GSE1: variants seen among roughly 807,000 people sequenced by gnomAD.
GSE1 encodes the protein genetic suppressor element 1.
Under a neutral mutation model 112.6 loss-of-function variants are expected in GSE1, and 32 were observed. The observed-to-expected ratio is 0.28, with a 90% CI of 0.21 to 0.38. The LOEUF (loss-of-function observed/expected upper bound fraction) is 0.38, where lower values mean the gene tolerates loss of function less well. Among genes scored for constraint, GSE1 ranks in the 10% least tolerant of loss-of-function variants. GSE1 has a pLI of 1.00. For synonymous variants in GSE1, 1,115 were observed against 735.6 expected (o/e 1.52, Z -8.35); for missense variants, 2,348 against 1,699.2 (o/e 1.38, Z -6.71).
In GSE1 at chr16:85,478,927, C is replaced by CTTTCTTTCTTT. The variant is rs1285190496; in HGVS notation, c.2464+121285_2464+121286insTTCTTTCTTTT. On this transcript the variant is annotated intron_variant, in intron 2 of 2. Transcript: ENST00000637419. Reference sequence around the variant, plus strand: ...TCTTTCTTTCTTTCTTTCTTTCTTTCTCTTTCTTTCTTTCTTTCTTTTTTT... The same window carrying CTTTCTTTCTTT: ...TCTTTCTTTCTTTCTTTCTTTCTTTCTTTCTTTCTTTTCTTTCTTTCTTTCTTTCTTTTTTT... 1.1e-4 allele frequency among the ~76,000 whole-genome samples: 3 copies of CTTTCTTTCTTT among 28,046 alleles called. 1 individual carries two copies. In the Admixed American group the frequency reaches 1.2e-3, roughly 12 times the overall value. The allele number at this position is 28,046 out of a possible 152,430, so 18.4% of individuals were successfully genotyped here.
intron 2 of GSE1, among the ~76,000 whole-genome samples, chr16:85,465,506 C>A (rs1048252967): frequency 6.6e-6 from 1 of 152,360 alleles, no homozygotes; most frequent in South Asian, 2.1e-4. Flanking sequence ...GTAAGTGCAT[C>A]AGTCCAGTTA....
intron 1 of GSE1, among the ~76,000 whole-genome samples, chr16:85,271,765 G>A (rs1908860110): frequency 6.6e-6 from 1 of 152,182 alleles, no homozygotes; most frequent in African/African-American, 2.4e-5. Context: ...GGGGAAGTGG[G>A]GAGAGCAGTG....
chr16:85,552,234 C>T (rs1415682052), upstream of GSE1, among the ~76,000 whole-genome samples: 3 of 151,804 alleles, frequency 2.0e-5, no homozygotes, highest in Admixed American at 1.3e-4. Flanking sequence ...ACCGTGCTAG[C>T]CAGAATGGTC....
chr16:85,344,498 G>A (rs937736568), intron 1 of GSE1, among the ~76,000 whole-genome samples: 2 of 152,238 alleles, frequency 1.3e-5, no homozygotes, highest in Non-Finnish European at 2.9e-5. Flanking sequence ...GTAGAGGACA[G>A]GTGTGCGGGG....
At chr16:85,623,299 C>T (rs2048857155) in intron 1 of GSE1, among the ~76,000 whole-genome samples, 1 of 151,532 alleles carries the variant, frequency 6.6e-6, no homozygotes, top group Non-Finnish European at 1.5e-5. Context: ...AAGGCAGCCT[C>T]AACCTCCTGG....
intron 2 of GSE1, among the ~76,000 whole-genome samples, chr16:85,529,100 G>A (rs539467982): frequency 3.3e-5 from 5 of 152,294 alleles, no homozygotes; most frequent in East Asian, 1.9e-4. Context: ...CCAGTGAGGC[G>A]GCGCCTGCAG....
At chr16:85,426,501 G>T (rs552265688) in intron 2 of GSE1, among the ~76,000 whole-genome samples, 1 of 136,030 alleles carries the variant, frequency 7.4e-6, no homozygotes, top group African/African-American at 2.8e-5. Flanking sequence ...TATATGGATG[G>T]ATGGATGGAA....
chr16:85,235,080 G>T (rs562665875), intron 1 of GSE1, among the ~76,000 whole-genome samples: 1 of 152,124 alleles, frequency 6.6e-6, no homozygotes, highest in East Asian at 1.9e-4. Flanking sequence ...TCCTGGGTGG[G>T]GTGAGGTGGA....
intron 1 of GSE1, among the ~76,000 whole-genome samples, chr16:85,338,482 C>T (rs1297488646): frequency 1.3e-5 from 2 of 152,114 alleles, no homozygotes; most frequent in East Asian, 1.9e-4. Flanking sequence ...ATCAAATGGG[C>T]GTATAATGAT....
At chr16:85,633,158 C>T (rs1200292103) in intron 1 of GSE1, among the ~76,000 whole-genome samples, 2 of 152,222 alleles carry the variant, frequency 1.3e-5, no homozygotes, top group Non-Finnish European at 2.9e-5. Flanking sequence ...TTTTTAGCAT[C>T]TCCGGGCAGA....
At position 85,648,414 on chromosome 16, in the gene GSE1, G is replaced by A. The variant is rs529175145; in HGVS notation, c.227-138G>A. ...TCTCCTGCCTGCCTGTCTTGGGTGG[G>A]GGCCCATGAGGCTGGTAGACCTGGA... On this transcript the variant is annotated intron_variant, in intron 2 of 15. Transcript: ENST00000253458. The A allele has an allele frequency of 2.4e-5, 14 of 586,376 alleles. 1 individual carries two copies. The South Asian group carries it at 3.1e-4, about 13-fold the overall frequency. 36.3% of individuals were successfully genotyped at this position (586,376 alleles called of 1,614,324 possible).
intron 1 of GSE1, among the ~76,000 whole-genome samples, chr16:85,348,500 G>A (rs1229112604): frequency 6.6e-6 from 1 of 152,140 alleles, no homozygotes; most frequent in Non-Finnish European, 1.5e-5. Context: ...TTGGTCACCC[G>A]GCTGCATCTG....
At chr16:85,625,968 T>C (rs578233226) in intron 1 of GSE1, among the ~76,000 whole-genome samples, 2 of 152,186 alleles carry the variant, frequency 1.3e-5, no homozygotes, top group African/African-American at 4.8e-5. Flanking sequence ...CCCGCCCACC[T>C]GCTTGTGTTT....
intron 1 of GSE1, among the ~76,000 whole-genome samples, chr16:85,287,892 C>T (rs112258856): frequency 5.6e-4 from 85 of 152,244 alleles, no homozygotes; most frequent in Non-Finnish European, 6.3e-4. Flanking sequence ...ATAATGCCTG[C>T]GCACAGTAGG....
intron 1 of GSE1, among the ~76,000 whole-genome samples, chr16:85,238,492 G>A (rs1391911878): frequency 6.6e-6 from 1 of 152,184 alleles, no homozygotes. Context: ...CTGCGTGAGG[G>A]CCGCCCTGGC....
At chr16:85,476,777 T>C (rs1332240325) in intron 2 of GSE1, among the ~76,000 whole-genome samples, 1 of 150,978 alleles carries the variant, frequency 6.6e-6, no homozygotes, top group Non-Finnish European at 1.5e-5. Flanking sequence ...CCTGACCATT[T>C]TTTTTTTTTT....
chr16:85,528,945 C>A (rs1347260337), intron 2 of GSE1, among the ~76,000 whole-genome samples: 3 of 152,162 alleles, frequency 2.0e-5, no homozygotes, highest in Admixed American at 2.0e-4. Context: ...AGCTCAAGAC[C>A]CCAGAGGCCA....
intron 1 of GSE1, among the ~76,000 whole-genome samples, chr16:85,193,950 T>C (rs922479854): frequency 3.3e-5 from 5 of 152,198 alleles, no homozygotes; most frequent in African/African-American, 1.2e-4. Flanking sequence ...CAGTTGTACA[T>C]GCACTTGTGT....
rs1338398353 is a variant in GSE1 at position 85,674,447 on chromosome 16, A to C, written c.*1908A>C. On this transcript the variant is annotated 3_prime_UTR_variant, in exon 16 of 16. Transcript: ENST00000253458. ...AGGCCTCCCCTCGAAAGACACTGGG[A>C]GGTCAGCATGTTCCACAGGTGTTCA... The C allele has an allele frequency of 6.6e-6, 1 of 151,548 alleles. No individual in the cohort carries two copies. The highest frequency in any genetic ancestry group is 1.5e-5 in the Non-Finnish European group (1 of 68,034). The allele number at this position is 151,548 out of a possible 1,614,324, so 9.4% of individuals were successfully genotyped here.
Sources: gnomAD v4.1 joint callset for allele counts (sites outside exome capture counted in the v4.1 genomes callset) on GRCh38, gnomAD v4.1.1 for gene constraint, MANE v1.5 for transcripts, NCBI Gene and HGNC (gene_info 2026-07-23, HGNC 2026-07-21) for gene names.